RALGPS1: variants seen among roughly 807,000 people sequenced by gnomAD.
RALGPS1 encodes the protein ras-specific guanine nucleotide-releasing factor RalGPS1.
Under a neutral mutation model 78.8 loss-of-function variants are expected in RALGPS1, and 19 were observed. The observed-to-expected ratio is 0.24, with a 90% confidence interval of 0.17 to 0.35. The LOEUF (loss-of-function observed/expected upper bound fraction) is 0.35, where lower values mean the gene tolerates loss of function less well. Among genes scored for constraint, RALGPS1 ranks in the 10% least tolerant of loss-of-function variants. The pLI, the probability that RALGPS1 is intolerant of heterozygous loss-of-function variation, is 1.00. For synonymous variants in RALGPS1, 228 were observed against 256.3 expected (o/e 0.89, Z 1.06); for missense variants, 454 against 688.3 (o/e 0.66, Z 3.81).
chr9:126,948,721 G>T (rs2037513877), intron 1 of RALGPS1, among the ~76,000 whole-genome samples: 1 of 151,904 alleles, frequency 6.6e-6, no homozygotes. Context: ...GTTTGTGCCG[G>T]CCCCCAATTC....
chr9:127,139,634 T>A (rs1359745154), intron 8 of RALGPS1, among the ~76,000 whole-genome samples: 1 of 151,976 alleles, frequency 6.6e-6, no homozygotes, highest in Non-Finnish European at 1.5e-5. Context: ...CCAGTGGAGG[T>A]CCACCTCTGA....
intron 1 of RALGPS1, among the ~76,000 whole-genome samples, chr9:126,956,405 A>G (rs1482533297): frequency 6.6e-6 from 1 of 152,184 alleles, no homozygotes; most frequent in Non-Finnish European, 1.5e-5. Context: ...CTTTCCTAGT[A>G]TGTGAAGTAT....
chr9:127,129,349 A>T (rs879809719), intron 8 of RALGPS1, among the ~76,000 whole-genome samples: 2 of 152,180 alleles, frequency 1.3e-5, no homozygotes, highest in Admixed American at 6.5e-5. Flanking sequence ...TAAATTTTTT[A>T]AAAATATTGT....
At chr9:126,947,898 A>G (rs916611509) in intron 1 of RALGPS1, among the ~76,000 whole-genome samples, 2 of 152,240 alleles carry the variant, frequency 1.3e-5, no homozygotes, top group East Asian at 3.8e-4. Context: ...TTGTTAAACC[A>G]GAGTGTTGGT....
chr9:127,092,011 C>A (rs879594145), intron 8 of RALGPS1: 34 of 1,570,984 alleles, frequency 2.2e-5, no homozygotes, highest in Admixed American at 8.7e-5. Flanking sequence ...GGCTGTCAGA[C>A]ACTCAGCCCT....
intron 4 of RALGPS1, among the ~76,000 whole-genome samples, chr9:127,028,563 G>A (rs563940565): frequency 6.6e-6 from 1 of 152,286 alleles, no homozygotes; most frequent in Non-Finnish European, 1.5e-5. Flanking sequence ...GAGTCCTACT[G>A]TCCAGGGACT....
intron 8 of RALGPS1, among the ~76,000 whole-genome samples, chr9:127,141,637 A>G (rs966276094): frequency 4.3e-4 from 65 of 151,190 alleles, no homozygotes; most frequent in East Asian, 1.2e-3. Context: ...AAAAAAAAAA[A>G]AAAGAAAGAA....
intron 10 of RALGPS1, among the ~76,000 whole-genome samples, chr9:127,173,659 G>A (rs146100605): frequency 5.3e-5 from 8 of 152,232 alleles, no homozygotes; most frequent in African/African-American, 1.7e-4. Context: ...TAGCATGTCC[G>A]TTGCCTTGTG....
In RALGPS1 at chr9:127,052,831, C is replaced by T; in HGVS notation, c.391-16C>T. 6.6e-7 allele frequency: 1 copy of T among 1,522,204 alleles called. No individual in the cohort carries two copies. 94.3% of individuals were successfully genotyped at this position (1,522,204 alleles called of 1,614,324 possible). A position where few individuals can be genotyped will look rare whatever the true frequency, so the allele number is the denominator to read the frequency against. On this transcript the variant is annotated splice_polypyrimidine_tract_variant and intron_variant, in intron 6 of 18. Coordinates refer to ENST00000259351, the MANE Select transcript of RALGPS1 (RefSeq NM_014636.3). ...TTTATAGCAGCAAAATAATCTATTC[C>T]ATATCTTTTTTTCAGAAACTTCTAG... is the stretch of plus-strand genomic sequence containing the variant.
intron 4 of RALGPS1, among the ~76,000 whole-genome samples, chr9:126,988,281 G>A (rs2041984589): frequency 1.3e-5 from 2 of 152,206 alleles, no homozygotes; most frequent in Admixed American, 6.5e-5. Flanking sequence ...TGTCAAGAGA[G>A]CCAGGTTGGG....
rs1243779954 is a variant in RALGPS1 at position 127,018,079 on chromosome 9, A to G, written c.217-16352A>G. 2.6e-5 allele frequency among the ~76,000 whole-genome samples: 4 copies of G among 152,022 alleles called. No homozygotes were observed. The East Asian group carries it at 7.7e-4, about 29-fold the overall frequency. ...TGAAAATACAAAAACTTAGCCGGGC[A>G]TGTTGGTGCACCTGTAATCCCAGCT... On this transcript the variant is annotated intron_variant, in intron 4 of 18. Coordinates refer to ENST00000259351, the MANE Select transcript of RALGPS1 (RefSeq NM_014636.3).
chr9:127,045,362 A>G (rs1281914616), intron 5 of RALGPS1, among the ~76,000 whole-genome samples: 1 of 152,232 alleles, frequency 6.6e-6, no homozygotes, highest in Non-Finnish European at 1.5e-5. Flanking sequence ...AATTTGTAAT[A>G]GAGTGGAGCC....
intron 1 of RALGPS1, among the ~76,000 whole-genome samples, chr9:126,941,044 A>G (rs770221636): frequency 1.3e-5 from 2 of 152,178 alleles, no homozygotes; most frequent in Non-Finnish European, 2.9e-5. Flanking sequence ...ATATCCTTCT[A>G]TACTTCTATA....
At chr9:127,167,387 CTTG>C (rs2059347417) in intron 9 of RALGPS1, among the ~76,000 whole-genome samples, 1 of 152,226 alleles carries the variant, frequency 6.6e-6, no homozygotes, top group Non-Finnish European at 1.5e-5. Flanking sequence ...TACATTGATA[CTTG>C]TTGTTCCATT....
chr9:126,948,480 C>T (rs1237538495), intron 1 of RALGPS1, among the ~76,000 whole-genome samples: 2 of 152,112 alleles, frequency 1.3e-5, no homozygotes, highest in African/African-American at 4.8e-5. Context: ...GAGATTGCAC[C>T]ACTGCACTCC....
intron 10 of RALGPS1, among the ~76,000 whole-genome samples, chr9:127,170,067 A>G (rs1285028214): frequency 6.6e-6 from 1 of 152,020 alleles, no homozygotes; most frequent in Non-Finnish European, 1.5e-5. Context: ...ATTCCAGTAT[A>G]TTTTTTATCT....
chr9:126,919,982 T>G (rs1330605657), intron 1 of RALGPS1, among the ~76,000 whole-genome samples: 1 of 152,148 alleles, frequency 6.6e-6, no homozygotes, highest in African/African-American at 2.4e-5. Context: ...GAAACCTACT[T>G]AATTTTTCCA....
In RALGPS1 at chr9:126,970,002, T is replaced by G. The variant is rs192338468; in HGVS notation, c.165+4051T>G. The stretch of plus-strand genomic sequence containing the variant: ...GGTGTTAGAATTGAACCAGACCAAC[T>G]GGCATTTTAGTTTCCTGTCTAGTGA... On this transcript the variant is annotated intron_variant, in intron 3 of 18. Coordinates refer to ENST00000259351, the MANE Select transcript of RALGPS1 (RefSeq NM_014636.3). Among the ~76,000 whole-genome samples, 10 of 152,250 alleles carry G rather than the reference T, an allele frequency of 6.6e-5. No homozygotes were observed. The East Asian group carries it at 1.9e-3, about 29-fold the overall frequency.
chr9:127,183,905 G>A lies in RALGPS1; in HGVS notation c.910+9123G>A, dbSNP rs1335490852. On this transcript the variant is annotated intron_variant, in intron 11 of 18. Transcript: ENST00000259351. The surrounding 1 kb of genome is among the most constrained non-coding windows in gnomAD (Gnocchi z 4.0). ...CAGCCTGTCACATCAAGGTCAAGCA[G>A]AAGAGGCAAGACTCAAACCCACCTC... 9.7e-6 allele frequency: 15 copies of A among 1,550,066 alleles called. No individual in the cohort carries two copies. The highest frequency in any genetic ancestry group is 2.7e-5 in the African/African-American group (2 of 72,910).
Sources: allele counts gnomAD v4.1 joint callset (sites outside exome capture counted in the v4.1 genomes callset), GRCh38; gene constraint gnomAD v4.1.1; non-coding constraint Gnocchi (gnomAD v3.1); transcripts MANE v1.5; gene names NCBI Gene and HGNC (gene_info 2026-07-23, HGNC 2026-07-21).